Variants in SIRT5 observed in about 807,000 individuals in gnomAD.
SIRT5 encodes the protein NAD-dependent protein deacylase sirtuin-5, mitochondrial.
SIRT5 carries 26 observed loss-of-function variants against 40.0 expected under a neutral mutation model. That is an observed-to-expected ratio of 0.65 (90% CI 0.48 to 0.90). The LOEUF is 0.90. SIRT5 is among the 40% of genes least tolerant of loss of function. The pLI is 0.00. For synonymous variants in SIRT5, 146 were observed against 149.1 expected (o/e 0.98, Z 0.15); for missense variants, 401 against 402.4 (o/e 1.00, Z 0.03).
Position 13,584,079 on chromosome 6 carries a change from G to C in SIRT5, c.-32G>C, listed in dbSNP as rs763811847. The C allele has an allele frequency of 6.6e-7, 1 of 1,505,672 alleles. No individual in the cohort carries two copies. The highest frequency in any genetic ancestry group is 1.7e-5 in the Admixed American group (1 of 58,514). The allele number at this position is 1,505,672 out of a possible 1,614,324, so 93.3% of individuals were successfully genotyped here. Reference sequence around the variant, plus strand: ...TGTTTTTGTGATTTTTCTAAAGCCCGCCTCAAGCATTAGAACTACAGACAA... The same window carrying C: ...TGTTTTTGTGATTTTTCTAAAGCCCCCCTCAAGCATTAGAACTACAGACAA... On this transcript the variant is annotated 5_prime_UTR_variant, in exon 3 of 10. Transcript: ENST00000606117.
rs750805449 is a variant in SIRT5, at chr6:13,599,075, GT to G, written c.662del (p.Val221GlyfsTer26). On this transcript the variant is annotated frameshift_variant, in exon 8 of 10. Transcript: ENST00000606117. LOFTEE classifies it high-confidence loss of function. ...GCGGLLRPHV[V>X]WFGENLDPAI... ...CGGGGGCTTGCTGCGACCTCACGTCGTGTGGTTTGGAGAAAACCTGGATCCT... is the reference window on the plus strand; with the variant it reads ...CGGGGGCTTGCTGCGACCTCACGTCGGTGGTTTGGAGAAAACCTGGATCCT... The G allele has an allele frequency of 3.1e-6, 5 of 1,614,078 alleles. No homozygotes were observed. In the East Asian group the frequency reaches 1.1e-4, roughly 36 times the overall value.
intron 4 of SIRT5, chr6:13,589,580 A>G (rs1369959178): frequency 6.6e-6 from 1 of 152,244 alleles, no homozygotes; most frequent in Non-Finnish European, 1.5e-5. Flanking sequence ...TTCTCATTGA[A>G]TGCAGAGTTC....
intron 2 of SIRT5, among the ~76,000 whole-genome samples, chr6:13,582,322 C>T (rs759168352): frequency 1.3e-5 from 2 of 151,934 alleles, no homozygotes; most frequent in Non-Finnish European, 2.9e-5. Flanking sequence ...ATTCTTTTAT[C>T]CCCTTGCCTT....
In SIRT5 at chr6:13,599,018, T is replaced by C; in HGVS notation, c.618-14T>C. 1 of 1,613,288 alleles carries C rather than the reference T, an allele frequency of 6.2e-7. No homozygotes were observed. Among genetic ancestry groups the C allele is most frequent in the Non-Finnish European group, 8.5e-7 (1 of 1,179,612 alleles). ...ACTTGGCTCGGGGTTGGCTTAAGGA[T>C]CCCATTCTTCCAGGTGTGAAGAGGC... On this transcript the variant is annotated splice_polypyrimidine_tract_variant and intron_variant, in intron 7 of 9. Transcript: ENST00000606117.
At position 13,590,875 on chromosome 6, in the gene SIRT5, T is replaced by C. The variant is rs142070171; in HGVS notation, c.250-794T>C. Among the ~76,000 whole-genome samples, 347 of 150,020 alleles carry C rather than the reference T, an allele frequency of 2.3e-3. 1 individual carries two copies. The highest frequency in any genetic ancestry group is 3.8e-3 in the Non-Finnish European group (252 of 66,940). On this transcript the variant is annotated intron_variant, in intron 4 of 9. Transcript: ENST00000606117. ...GCAGTTGTGTGTGTATGTAGACGTG[T>C]GTAGTTTGTGTAGCAGCATATGTGT...
At position 13,598,410 on chromosome 6, in the gene SIRT5, C is replaced by CT. The variant is rs1350786263; in HGVS notation, c.618-621dup. Among the ~76,000 whole-genome samples, 4 of 152,158 alleles carry CT rather than the reference C, an allele frequency of 2.6e-5. No homozygotes were observed. The South Asian group carries it at 8.3e-4, about 32-fold the overall frequency. ...GGGATGCTTGGGGTGGGAGGCAAAT[C>CT]TGAGTCCAGTATGTCTCCCAGGTCT... On this transcript the variant is annotated intron_variant, in intron 7 of 9. Coordinates refer to ENST00000606117, the MANE Select transcript of SIRT5 (RefSeq NM_012241.5).
In SIRT5 at chr6:13,584,240, C is replaced by T. The variant is rs199906141; in HGVS notation, c.115+15C>T. The T allele has an allele frequency of 6.3e-7, 1 of 1,581,920 alleles. No individual in the cohort carries two copies. Among genetic ancestry groups the T allele is most frequent in the Non-Finnish European group, 8.7e-7 (1 of 1,150,776 alleles). On this transcript the variant is annotated intron_variant, in intron 3 of 9. Transcript: ENST00000606117. ...GCCAAGTTCAAGTAAGTCATTTTACCCATTGCCTCACCTGCAGCCAAATGT... is the reference window on the plus strand; with the variant it reads ...GCCAAGTTCAAGTAAGTCATTTTACTCATTGCCTCACCTGCAGCCAAATGT...
At chr6:13,606,942 G>A (rs1323556738) in intron 9 of SIRT5, among the ~76,000 whole-genome samples, 7 of 151,242 alleles carry the variant, frequency 4.6e-5, no homozygotes, top group East Asian at 1.9e-4. Context: ...TTAGCCTCCC[G>A]AAGTGCTGGG....
chr6:13,587,333 G>T (rs996654899), intron 3 of SIRT5, among the ~76,000 whole-genome samples: 1 of 152,182 alleles, frequency 6.6e-6, no homozygotes, highest in African/African-American at 2.4e-5. Context: ...CCTTACAAGG[G>T]CCTGCAGAGC....
At chr6:13,600,774 A>G (rs1473462806) in intron 8 of SIRT5, 60 bp from the exon 9 acceptor site, 1 of 1,342,456 alleles carries the variant, frequency 7.4e-7, no homozygotes, top group Non-Finnish European at 1.0e-6. Flanking sequence ...GTTTTCTGAA[A>G]TAATGTTCCT....
chr6:13,585,705 G>C (rs962530509), intron 3 of SIRT5, among the ~76,000 whole-genome samples: 1 of 152,116 alleles, frequency 6.6e-6, no homozygotes, highest in African/African-American at 2.4e-5. Context: ...ATAAACATAC[G>C]TATGCATGTG....
chr6:13,590,031 C>A (rs1760628971), intron 4 of SIRT5, among the ~76,000 whole-genome samples: 2 of 152,174 alleles, frequency 1.3e-5, no homozygotes, highest in South Asian at 4.1e-4. Flanking sequence ...GGCATTACCA[C>A]TAAGCAGAGG....
intron 1 of SIRT5, among the ~76,000 whole-genome samples, chr6:13,578,490 G>A (rs1174725443): frequency 1.3e-5 from 2 of 151,736 alleles, no homozygotes; most frequent in Admixed American, 6.6e-5. Flanking sequence ...CGTGGTGTCG[G>A]TTGCTTGTAG....
intron 1 of SIRT5, among the ~76,000 whole-genome samples, chr6:13,577,719 A>G (rs1758805954): frequency 6.7e-6 from 1 of 148,492 alleles, no homozygotes; most frequent in Non-Finnish European, 1.5e-5. Context: ...ATATATCTAT[A>G]TTTTATATAC....
At chr6:13,574,288 G>A (rs1362578834), upstream of SIRT5, among the ~76,000 whole-genome samples, 2 of 152,110 alleles carry the variant, frequency 1.3e-5, no homozygotes, top group African/African-American at 2.4e-5. Context: ...TCTCCAGCCG[G>A]CGCGCCCGCC....
intron 6 of SIRT5, among the ~76,000 whole-genome samples, chr6:13,596,311 TCCA>T (rs1761562436): frequency 6.6e-6 from 1 of 152,164 alleles, no homozygotes; most frequent in South Asian, 2.1e-4. Context: ...TGAGAAAAAT[TCCA>T]CTCAGCCTTT....
rs986523795 is a variant in SIRT5 at position 13,607,600 on chromosome 6, G to A, written c.858-4190G>A. ...TGTAGTCGTGGTTGTCCTACAACTG[G>A]TGGGGGCCAGCAGAGTGCACAGGTG... On this transcript the variant is annotated intron_variant, in intron 9 of 9. Transcript: ENST00000606117. The surrounding 1 kb of genome is among the most constrained non-coding windows in gnomAD (Gnocchi z 4.0). Among the ~76,000 whole-genome samples, 1 of 152,196 alleles carries A rather than the reference G, an allele frequency of 6.6e-6. No individual in the cohort carries two copies. The highest frequency in any genetic ancestry group is 1.5e-5 in the Non-Finnish European group (1 of 68,038).
chr6:13,615,093 T>G lies in SIRT5; in HGVS notation c.*3228T>G. ...CCGAGGAGGGCAGCGCGATGGCTCT[T>G]CCCTGCCTTGAAATCAACCCCATTG... On this transcript the variant is annotated 3_prime_UTR_variant, in exon 10 of 10. Transcript: ENST00000606117. 1 of 448,020 alleles carries G rather than the reference T, an allele frequency of 2.2e-6. No homozygotes were observed. Among genetic ancestry groups the G allele is most frequent in the Non-Finnish European group, 3.9e-6 (1 of 253,790 alleles). 27.8% of individuals were successfully genotyped at this position (448,020 alleles called of 1,614,324 possible).
intron 7 of SIRT5, 135 bp from the exon 8 acceptor site, chr6:13,598,897 A>G (rs1584819633): frequency 1.2e-4 from 91 of 790,590 alleles, no homozygotes; most frequent in Middle Eastern, 8.7e-4. Flanking sequence ...ATAGGCTGGG[A>G]GGGAGGGTGT....
Sources: gnomAD v4.1 joint callset for allele counts (sites outside exome capture counted in the v4.1 genomes callset) on GRCh38, gnomAD v4.1.1 for gene constraint, Gnocchi (gnomAD v3.1) non-coding constraint, MANE v1.5 for transcripts, NCBI Gene and HGNC (gene_info 2026-07-23, HGNC 2026-07-21) for gene names.